The following MAGI1 variants were observed in gnomAD, a reference collection of about 807,000 sequenced individuals.
The protein encoded by MAGI1 is membrane associated guanylate kinase, WW and PDZ domain containing 1.
MAGI1 carries 58 observed loss-of-function variants against 139.9 expected under a neutral mutation model. The observed-to-expected ratio is 0.41, with a 90% confidence interval of 0.34 to 0.52. The LOEUF (loss-of-function observed/expected upper bound fraction) is 0.52, where lower values mean the gene tolerates loss of function less well. Ranked by LOEUF, MAGI1 falls within the 20% of genes least tolerant of loss-of-function variation. The probability of loss-of-function intolerance (pLI) is 0.12; values close to 1 mark genes in which losing one functional copy is unlikely to be tolerated. For synonymous variants in MAGI1, 812 were observed against 737.9 expected (o/e 1.10, Z -1.63); for missense variants, 1,874 against 1,901.6 (o/e 0.99, Z 0.27).
chr3:65,461,709 C>T (rs938336396), intron 5 of MAGI1, among the ~76,000 whole-genome samples: 6 of 152,032 alleles, frequency 3.9e-5, no homozygotes, highest in East Asian at 1.9e-4. Flanking sequence ...AGGATGGTCT[C>T]GATCTCCTGA....
chr3:65,744,809 A>G (rs1354729986), intron 1 of MAGI1, among the ~76,000 whole-genome samples: 4 of 152,184 alleles, frequency 2.6e-5, no homozygotes, highest in Non-Finnish European at 5.9e-5. Flanking sequence ...ATTAACATAT[A>G]TAAAACGAAA....
intron 2 of MAGI1, among the ~76,000 whole-genome samples, chr3:65,510,786 T>G (rs1450701767): frequency 7.2e-6 from 1 of 138,296 alleles, no homozygotes; most frequent in Non-Finnish European, 1.6e-5. Flanking sequence ...AACATTCAGA[T>G]TCAGGAAATA....
intron 1 of MAGI1, among the ~76,000 whole-genome samples, chr3:65,910,583 C>A (rs1475227245): frequency 6.6e-6 from 1 of 152,136 alleles, no homozygotes; most frequent in Non-Finnish European, 1.5e-5. Flanking sequence ...CATGAGATAG[C>A]TGGGAAAGTG....
intron 1 of MAGI1, among the ~76,000 whole-genome samples, chr3:65,648,144 AATGT>A (rs1451971293): frequency 6.6e-6 from 1 of 151,426 alleles, no homozygotes; most frequent in African/African-American, 2.5e-5. Flanking sequence ...TCTGAAAATG[AATGT>A]ATTTCTTTTT....
At chr3:65,545,919 C>G (rs1431660969) in intron 2 of MAGI1, among the ~76,000 whole-genome samples, 1 of 151,792 alleles carries the variant, frequency 6.6e-6, no homozygotes, top group African/African-American at 2.4e-5. Context: ...TCAGGGGAAC[C>G]AGGTCCTCTG....
At chr3:66,016,888 G>A (rs1186427901) in intron 1 of MAGI1, among the ~76,000 whole-genome samples, 1 of 152,244 alleles carries the variant, frequency 6.6e-6, no homozygotes, top group African/African-American at 2.4e-5. Context: ...AGATAAGCCA[G>A]TCGCAAAAGG....
intron 1 of MAGI1, among the ~76,000 whole-genome samples, chr3:65,693,100 T>A (rs550645452): frequency 8.6e-4 from 131 of 152,240 alleles, no homozygotes; most frequent in African/African-American, 3.0e-3. Context: ...TATGCCTGGC[T>A]ATTTTTATTT....
At chr3:65,793,755 A>G (rs556478260) in intron 1 of MAGI1, among the ~76,000 whole-genome samples, 44 of 152,288 alleles carry the variant, frequency 2.9e-4, no homozygotes, top group Admixed American at 2.3e-3. Context: ...CTCTCCTTTC[A>G]GTTTACCTTC....
At chr3:65,902,706 G>C (rs1049276959) in intron 1 of MAGI1, 1 of 152,572 alleles carries the variant, frequency 6.6e-6, no homozygotes, top group African/African-American at 2.4e-5. Flanking sequence ...GCTCGTACCT[G>C]AATGCAGGAA....
At chr3:65,494,705 A>G (rs1576012655) in intron 2 of MAGI1, among the ~76,000 whole-genome samples, 2 of 152,342 alleles carry the variant, frequency 1.3e-5, no homozygotes, top group Admixed American at 1.3e-4. Context: ...AATGCAATTA[A>G]ATAACCGACT....
chr3:66,027,692 T>C (rs1465633659), intron 1 of MAGI1, among the ~76,000 whole-genome samples: 1 of 152,192 alleles, frequency 6.6e-6, no homozygotes, highest in Non-Finnish European at 1.5e-5. Context: ...ATAGTTACAA[T>C]TACTAGCATA....
At chr3:65,427,686 C>A (rs1210088027) in intron 12 of MAGI1, among the ~76,000 whole-genome samples, 1 of 152,270 alleles carries the variant, frequency 6.6e-6, no homozygotes, top group African/African-American at 2.4e-5. Flanking sequence ...GGACTGGAAA[C>A]CACAGAGCCA....
chr3:65,893,525 A>G (rs1360200066), intron 1 of MAGI1, among the ~76,000 whole-genome samples: 1 of 152,190 alleles, frequency 6.6e-6, no homozygotes, highest in African/African-American at 2.4e-5. Context: ...GAGCGTATCA[A>G]GTATTAAATC....
chr3:65,512,762 T>C (rs1301633146), intron 2 of MAGI1, among the ~76,000 whole-genome samples: 11 of 147,534 alleles, frequency 7.5e-5, no homozygotes, highest in Non-Finnish European at 7.5e-5. Flanking sequence ...TCTGAAACTA[T>C]TCCAATCAAT....
In MAGI1 at chr3:65,839,144, A is replaced by C. The variant is rs112330820; in HGVS notation, c.313+198852T>G. Among the ~76,000 whole-genome samples the C allele has an allele frequency of 3.3e-3, 508 of 152,312 alleles. 1 individual carries two copies. The highest frequency in any genetic ancestry group is 0.012 in the African/African-American group (484 of 41,568). On this transcript the variant is annotated intron_variant, in intron 1 of 22. Coordinates refer to ENST00000402939, the MANE Select transcript of MAGI1 (RefSeq NM_001033057.2). ...AACATTTCAGTCAACAACAGACCAC[A>C]TATACAATGGTGGTCCCATAAAATT...
intron 1 of MAGI1, among the ~76,000 whole-genome samples, chr3:65,767,679 C>T (rs1233770523): frequency 1.3e-5 from 2 of 152,164 alleles, no homozygotes; most frequent in Admixed American, 1.3e-4. Context: ...TAGGCCCCAA[C>T]AGAACAGACC....
intron 1 of MAGI1, among the ~76,000 whole-genome samples, chr3:65,745,865 A>G (rs913311295): frequency 3.3e-5 from 5 of 151,722 alleles, no homozygotes; most frequent in African/African-American, 4.8e-5. Flanking sequence ...AGTAGCTGGG[A>G]TTACACGTGT....
At chr3:65,445,771 G>A (rs929743198) in intron 7 of MAGI1, among the ~76,000 whole-genome samples, 13 of 152,158 alleles carry the variant, frequency 8.5e-5, no homozygotes, top group Admixed American at 7.9e-4. Flanking sequence ...ACAGAGTTCA[G>A]AAATGACAAC....
chr3:65,580,894 G>A (rs1196833555), intron 2 of MAGI1, among the ~76,000 whole-genome samples: 1 of 152,060 alleles, frequency 6.6e-6, no homozygotes. Flanking sequence ...TAGATATTTA[G>A]ATTCAAAATA....
Sources: allele counts gnomAD v4.1 joint callset (sites outside exome capture counted in the v4.1 genomes callset), GRCh38; gene constraint gnomAD v4.1.1; transcripts MANE v1.5; gene names NCBI Gene and HGNC (gene_info 2026-07-23, HGNC 2026-07-21).